The following GRID2 variants were observed in gnomAD, a reference collection of about 807,000 sequenced individuals.
GRID2 encodes the protein glutamate ionotropic receptor delta type subunit 2.
Under a neutral mutation model 114.8 loss-of-function variants are expected in GRID2, and 33 were observed. The ratio of observed to expected loss-of-function variants is 0.29; its 90% CI spans 0.22 to 0.38. The LOEUF is 0.38. Ranked by LOEUF, GRID2 falls within the 10% of genes least tolerant of loss-of-function variation. GRID2 has a pLI of 1.00. For synonymous variants in GRID2, 505 were observed against 449.9 expected (o/e 1.12, Z -1.55); for missense variants, 1,184 against 1,257.7 (o/e 0.94, Z 0.89).
intron 7 of GRID2, among the ~76,000 whole-genome samples, chr4:93,231,158 T>G (rs1033317947): frequency 6.6e-6 from 1 of 152,066 alleles, no homozygotes; most frequent in Non-Finnish European, 1.5e-5. Flanking sequence ...CTTGGAATAG[T>G]GCCATGTCAT....
chr4:92,618,357 A>T (rs1465653374), intron 2 of GRID2, among the ~76,000 whole-genome samples: 1 of 151,500 alleles, frequency 6.6e-6, no homozygotes, highest in African/African-American at 2.4e-5. Flanking sequence ...TTTTCTGTTT[A>T]ATTGGTCTAT....
chr4:92,466,970 A>G (rs1327119965), intron 1 of GRID2, among the ~76,000 whole-genome samples: 1 of 151,758 alleles, frequency 6.6e-6, no homozygotes, highest in African/African-American at 2.4e-5. Flanking sequence ...GAGAGACTCA[A>G]TTTGTTTTAA....
At chr4:93,184,907 C>T (rs1740260765) in intron 4 of GRID2, among the ~76,000 whole-genome samples, 1 of 151,910 alleles carries the variant, frequency 6.6e-6, no homozygotes, top group Non-Finnish European at 1.5e-5. Context: ...AACAAAATAA[C>T]AATATCCACT....
At chr4:92,448,482 T>A (rs1045798516) in intron 1 of GRID2, among the ~76,000 whole-genome samples, 4 of 152,060 alleles carry the variant, frequency 2.6e-5, no homozygotes, top group African/African-American at 9.7e-5. Context: ...AGTATTGATT[T>A]TTAAAGTAAA....
chr4:92,885,057 A>G, intron 2 of GRID2: 1 of 308,392 alleles, frequency 3.2e-6, no homozygotes, highest in Non-Finnish European at 6.4e-6. Context: ...CTTTCCTCTT[A>G]AACAATTCAA....
At chr4:92,874,701 C>A (rs188105938) in intron 2 of GRID2, among the ~76,000 whole-genome samples, 1 of 152,222 alleles carries the variant, frequency 6.6e-6, no homozygotes, top group African/African-American at 2.4e-5. Context: ...TGAAAAGACA[C>A]CAGACCCATT....
At chr4:93,804,667 G>C (rs1734997326) in intron 1 of GRID2, among the ~76,000 whole-genome samples, 1 of 152,122 alleles carries the variant, frequency 6.6e-6, no homozygotes, top group African/African-American at 2.4e-5. Context: ...AAGTCCTTAA[G>C]AAATATTAGA....
chr4:92,890,516 CTCA>C (rs1234084456), intron 2 of GRID2, among the ~76,000 whole-genome samples: 3 of 152,068 alleles, frequency 2.0e-5, no homozygotes, highest in Non-Finnish European at 2.9e-5. Flanking sequence ...AAAAAAAAAG[CTCA>C]TCATCATTGG....
chr4:93,780,962 G>T (rs868496908), intron 1 of GRID2, among the ~76,000 whole-genome samples: 1 of 152,200 alleles, frequency 6.6e-6, no homozygotes, highest in Non-Finnish European at 1.5e-5. Context: ...GATACAGAGC[G>T]TAGATAGGTA....
At chr4:92,466,518 A>T (rs1236120166) in intron 1 of GRID2, among the ~76,000 whole-genome samples, 1 of 151,836 alleles carries the variant, frequency 6.6e-6, no homozygotes, top group African/African-American at 2.4e-5. Flanking sequence ...TGTACCCCAT[A>T]CATACATACA....
At chr4:92,527,645 G>T (rs974534352) in intron 1 of GRID2, among the ~76,000 whole-genome samples, 1 of 151,882 alleles carries the variant, frequency 6.6e-6, no homozygotes, top group African/African-American at 2.4e-5. Flanking sequence ...TATGGCAAAG[G>T]TAATAAGACA....
chr4:92,634,843 A>G (rs1216003904), intron 2 of GRID2, among the ~76,000 whole-genome samples: 1 of 143,822 alleles, frequency 7.0e-6, no homozygotes. Context: ...ATTCGCATGC[A>G]TTCGTTGCAG....
intron 8 of GRID2, among the ~76,000 whole-genome samples, chr4:93,262,454 T>C (rs6849539): frequency 0.56 from 84,158 of 151,622 alleles, 24,391 homozygotes; most frequent in Middle Eastern, 0.78. Context: ...CTTCAGTTTC[T>C]AGGCTGATTC....
intron 2 of GRID2, among the ~76,000 whole-genome samples, chr4:92,695,053 A>T (rs751825961): frequency 2.0e-5 from 3 of 152,050 alleles, no homozygotes; most frequent in Admixed American, 6.6e-5. Flanking sequence ...TGCAACCCCT[A>T]CTTCCCGGAC....
intron 13 of GRID2, among the ~76,000 whole-genome samples, chr4:93,616,909 C>T (rs548919070): frequency 5.4e-4 from 79 of 146,366 alleles, no homozygotes; most frequent in Middle Eastern, 3.5e-3. Flanking sequence ...GCGAGAATGG[C>T]GTGAACCCGG....
At chr4:92,943,629 C>G (rs1293865678) in intron 2 of GRID2, among the ~76,000 whole-genome samples, 1 of 152,200 alleles carries the variant, frequency 6.6e-6, no homozygotes, top group Non-Finnish European at 1.5e-5. Context: ...TGAGGAGCTG[C>G]ATTCCTTTGG....
rs186749648 is a variant in GRID2, at chr4:92,613,691, T to A, written c.244+23405T>A. Among the ~76,000 whole-genome samples, 14 of 151,540 alleles carry A rather than the reference T, an allele frequency of 9.2e-5. No individual in the cohort carries two copies. In the South Asian group the frequency reaches 1.2e-3, roughly 13 times the overall value. On this transcript the variant is annotated intron_variant, in intron 2 of 15. Coordinates refer to ENST00000282020, the MANE Select transcript of GRID2 (RefSeq NM_001510.4). ...CTGCTAACATGAAGTTGTTGATAAT[T>A]TTTTTTATAATCCTGTCTTGTTGGT...
intron 8 of GRID2, among the ~76,000 whole-genome samples, chr4:93,269,843 G>T (rs1751246224): frequency 6.6e-6 from 1 of 152,140 alleles, no homozygotes; most frequent in Admixed American, 6.5e-5. Flanking sequence ...ATCCTAGGAT[G>T]CCTTTTGGTG....
intron 4 of GRID2, among the ~76,000 whole-genome samples, chr4:93,175,165 ATTTTG>A (rs966374585): frequency 1.8e-4 from 27 of 151,632 alleles, no homozygotes; most frequent in African/African-American, 5.3e-4. Context: ...TAGACCTTTT[ATTTTG>A]TTTTGTTTTG....
Sources: allele counts gnomAD v4.1 joint callset (sites outside exome capture counted in the v4.1 genomes callset), GRCh38; gene constraint gnomAD v4.1.1; transcripts MANE v1.5; gene names NCBI Gene and HGNC (gene_info 2026-07-23, HGNC 2026-07-21).